The following PDE4D variants were observed in gnomAD, a reference collection of about 807,000 sequenced individuals.
PDE4D encodes the protein phosphodiesterase 4D.
A neutral mutation model predicts 87.4 loss-of-function variants in PDE4D; 24 were observed. That is an observed-to-expected ratio of 0.27 (90% confidence interval 0.20 to 0.39). PDE4D has a LOEUF of 0.39. Ranked by LOEUF, PDE4D falls within the 10% of genes least tolerant of loss-of-function variation. The pLI, the probability that PDE4D is intolerant of heterozygous loss-of-function variation, is 1.00. For synonymous variants in PDE4D, 384 were observed against 383.2 expected (o/e 1.00, Z -0.02); for missense variants, 714 against 1,041.0 (o/e 0.69, Z 4.32).
intron 1 of PDE4D, among the ~76,000 whole-genome samples, chr5:60,280,307 T>A (rs11745451): frequency 0.024 from 3,439 of 142,522 alleles, 56 homozygotes; most frequent in South Asian, 0.047. Context: ...TTCCTCTATA[T>A]ACATACATAT....
At chr5:59,427,488 C>T (rs1795465007) in intron 1 of PDE4D, among the ~76,000 whole-genome samples, 1 of 152,074 alleles carries the variant, frequency 6.6e-6, no homozygotes, top group South Asian at 2.1e-4. Flanking sequence ...ACTTTACAGT[C>T]CAATTGGGTG....
intron 1 of PDE4D, among the ~76,000 whole-genome samples, chr5:60,403,125 A>G (rs1016287209): frequency 1.3e-5 from 2 of 152,214 alleles, no homozygotes; most frequent in East Asian, 3.9e-4. Context: ...CAGAATATCC[A>G]GCTCCCAGAT....
At chr5:59,275,865 G>C in intron 1 of PDE4D, 2 of 985,658 alleles carry the variant, frequency 2.0e-6, no homozygotes, top group Non-Finnish European at 1.2e-6. Context: ...AGCTGTCAAG[G>C]AAGTTCCATT....
At chr5:59,017,985 C>T (rs1374131888) in intron 6 of PDE4D, among the ~76,000 whole-genome samples, 1 of 152,162 alleles carries the variant, frequency 6.6e-6, no homozygotes, top group African/African-American at 2.4e-5. Flanking sequence ...CTTGGCCCTG[C>T]CTCTCTTACC....
chr5:59,754,066 A>C (rs951191450), intron 1 of PDE4D, among the ~76,000 whole-genome samples: 1 of 152,210 alleles, frequency 6.6e-6, no homozygotes, highest in Non-Finnish European at 1.5e-5. Flanking sequence ...ACAGTGGCTC[A>C]TGCCTGTAAT....
intron 1 of PDE4D, among the ~76,000 whole-genome samples, chr5:60,436,578 T>C (rs1744774954): frequency 6.6e-6 from 1 of 152,108 alleles, no homozygotes; most frequent in Non-Finnish European, 1.5e-5. Flanking sequence ...TTAATCTAGC[T>C]TGAGCTTCAA....
intron 2 of PDE4D, among the ~76,000 whole-genome samples, chr5:60,069,749 T>C (rs3897743): frequency 0.31 from 47,779 of 151,882 alleles, 8,092 homozygotes; most frequent in East Asian, 0.74. Flanking sequence ...AGGGATTGCA[T>C]TGAATCTGTA....
chr5:59,592,682 A>AT lies in PDE4D; in HGVS notation c.455+300485dup, dbSNP rs534946494. 9.4e-3 allele frequency among the ~76,000 whole-genome samples: 1,403 copies of AT among 150,032 alleles called. 13 individuals carry two copies. Among genetic ancestry groups the AT allele is most frequent in the Admixed American group, 0.013 (192 of 15,084 alleles). ...GAATGCTTGTTAAATTTTACTTTTA[A>AT]TTTTTTTTTTGGAAGTAGAAGACTT... On this transcript the variant is annotated intron_variant, in intron 1 of 14. Coordinates refer to ENST00000340635, the MANE Select transcript of PDE4D (RefSeq NM_001104631.2).
At chr5:59,326,703 T>C (rs956849168) in intron 1 of PDE4D, among the ~76,000 whole-genome samples, 1 of 151,946 alleles carries the variant, frequency 6.6e-6, no homozygotes, top group East Asian at 1.9e-4. Context: ...CATTGACATA[T>C]GTGTAATCTC....
intron 5 of PDE4D, among the ~76,000 whole-genome samples, chr5:59,138,891 A>G (rs1336603183): frequency 6.6e-6 from 1 of 152,222 alleles, no homozygotes; most frequent in Non-Finnish European, 1.5e-5. Flanking sequence ...TTGTAGGATG[A>G]AAGAGGTGTG....
intron 1 of PDE4D, among the ~76,000 whole-genome samples, chr5:60,222,320 G>A (rs941062673): frequency 6.6e-6 from 1 of 152,060 alleles, no homozygotes; most frequent in African/African-American, 2.4e-5. Flanking sequence ...TCCAGCCCCA[G>A]TCAAGCTTTC....
intron 1 of PDE4D, among the ~76,000 whole-genome samples, chr5:59,875,459 T>TAAAA (rs1748431115): frequency 4.9e-5 from 1 of 20,272 alleles, no homozygotes. Context: ...GACCTCCGTC[T>TAAAA]CAAAAAAAAA....
At chr5:59,256,737 T>C (rs1226318208) in intron 1 of PDE4D, among the ~76,000 whole-genome samples, 1 of 152,092 alleles carries the variant, frequency 6.6e-6, no homozygotes, top group Non-Finnish European at 1.5e-5. Context: ...TTAGCTGCAT[T>C]GGCATCTTTA....
intron 5 of PDE4D, among the ~76,000 whole-genome samples, chr5:59,147,750 C>G (rs2153458351): frequency 6.6e-6 from 1 of 152,328 alleles, no homozygotes; most frequent in African/African-American, 2.4e-5. Flanking sequence ...AACTTAGTAA[C>G]TGTATTTCCT....
intron 3 of PDE4D, among the ~76,000 whole-genome samples, chr5:59,904,931 A>G (rs919098466): frequency 6.6e-6 from 1 of 152,200 alleles, no homozygotes; most frequent in Non-Finnish European, 1.5e-5. Context: ...AAAGGAAAAA[A>G]TATACAGAAT....
At chr5:59,039,585 C>T (rs1561368265) in intron 5 of PDE4D, 17 of 863,040 alleles carry the variant, frequency 2.0e-5, no homozygotes, top group Non-Finnish European at 2.2e-5. Context: ...TTTCCGGGAA[C>T]ACTCCCCCTC....
intron 3 of PDE4D, among the ~76,000 whole-genome samples, chr5:59,911,779 GT>G (rs1233775488): frequency 6.6e-6 from 1 of 152,110 alleles, no homozygotes; most frequent in Non-Finnish European, 1.5e-5. Flanking sequence ...GATAAACTAT[GT>G]AACTGAATGA....
At chr5:59,802,635 G>A (rs1285890962) in intron 1 of PDE4D, among the ~76,000 whole-genome samples, 1 of 152,070 alleles carries the variant, frequency 6.6e-6, no homozygotes, top group Non-Finnish European at 1.5e-5. Flanking sequence ...CTGACCTCAT[G>A]ATCTGCCTGC....
intron 1 of PDE4D, among the ~76,000 whole-genome samples, chr5:60,226,007 G>C (rs6865993): frequency 0.027 from 4,163 of 152,134 alleles, 204 homozygotes; most frequent in African/African-American, 0.095. Context: ...TAAGTATATG[G>C]ATATGCAGGT....
Sources: gnomAD v4.1 joint callset for allele counts (sites outside exome capture counted in the v4.1 genomes callset) on GRCh38, gnomAD v4.1.1 for gene constraint, MANE v1.5 for transcripts, NCBI Gene and HGNC (gene_info 2026-07-23, HGNC 2026-07-21) for gene names.